Variants in FREM1 observed in about 807,000 individuals in gnomAD.
The protein encoded by FREM1 is FRAS1-related extracellular matrix protein 1.
In FREM1, 220 loss-of-function variants were observed where a neutral mutation model predicts 210.1. The observed-to-expected ratio is 1.05, with a 90% CI of 0.94 to 1.17. FREM1 has a LOEUF of 1.17. FREM1 is among the 50% of genes most tolerant of loss of function. The pLI is 0.00. For synonymous variants in FREM1, 1,189 were observed against 980.2 expected (o/e 1.21, Z -3.98); for missense variants, 3,454 against 2,675.5 (o/e 1.29, Z -6.42).
At chr9:14,773,407 C>CA (rs1393975395) in intron 25 of FREM1, among the ~76,000 whole-genome samples, 1 of 152,172 alleles carries the variant, frequency 6.6e-6, no homozygotes, top group East Asian at 1.9e-4. Flanking sequence ...GTTTATCACT[C>CA]AACGGTGATC....
rs1012888636 is a variant in FREM1 at position 14,813,050 on chromosome 9, G to A, written c.2655C>T (p.Asn885=). ...FVLHVEVFPV[N]DEPPVLKADL... ...CAGCCTTTAAGACTGGTGGCTCATC[G>A]TTGACAGGGAATACCTAGGCAATGG... Residue 885 remains asparagine, a synonymous_variant, in exon 16 of 37, where the codon AAC becomes AAT. Transcript: ENST00000380880. 7.5e-6 allele frequency: 12 copies of A among 1,609,138 alleles called. No individual in the cohort carries two copies. Among genetic ancestry groups the A allele is most frequent in the East Asian group, 2.2e-5 (1 of 44,748 alleles).
chr9:14,747,764 G>C, intron 31 of FREM1, 36 bp from the exon 32 acceptor site: 1 of 1,346,866 alleles, frequency 7.4e-7, no homozygotes. Flanking sequence ...GAACAGAATT[G>C]GATTGACTAA....
At chr9:14,835,675 A>G (rs889941021) in intron 10 of FREM1, among the ~76,000 whole-genome samples, 1 of 152,234 alleles carries the variant, frequency 6.6e-6, no homozygotes, top group Non-Finnish European at 1.5e-5. Flanking sequence ...GCTCGGCTTT[A>G]AAAGTCTTAC....
At chr9:14,823,979 G>T in intron 12 of FREM1, 46 bp downstream of exon 12, 1 of 1,221,076 alleles carries the variant, frequency 8.2e-7, no homozygotes, top group Non-Finnish European at 1.2e-6. Flanking sequence ...ACCTTCTAAG[G>T]GCACACTTGC....
At position 14,824,120 on chromosome 9, in the gene FREM1, A is replaced by G; in HGVS notation, c.2079-5T>C. The G allele has an allele frequency of 6.5e-7, 1 of 1,531,548 alleles. No homozygotes were observed. Among genetic ancestry groups the G allele is most frequent in the East Asian group, 2.3e-5 (1 of 42,784 alleles). 94.9% of individuals were successfully genotyped at this position (1,531,548 alleles called of 1,614,324 possible). A position where few individuals can be genotyped will look rare whatever the true frequency, so the allele number is the denominator to read the frequency against. ...AATTTCCCAGCATCCAAGTGTCTAA[A>G]GAGAAATACAGAGGAGCACATCAGC... On this transcript the variant is annotated splice_polypyrimidine_tract_variant and splice_region_variant and intron_variant, in intron 11 of 36. Transcript: ENST00000380880.
rs1832102841 is a variant in FREM1, at chr9:14,869,096, C to G, written c.-119G>C. 1.6e-6 allele frequency: 1 copy of G among 631,298 alleles called. No homozygotes were observed. The highest frequency in any genetic ancestry group is 2.7e-6 in the Non-Finnish European group (1 of 373,236). 39.1% of individuals were successfully genotyped at this position (631,298 alleles called of 1,614,324 possible). On this transcript the variant is annotated 5_prime_UTR_variant, in exon 2 of 37. Coordinates refer to ENST00000380880, the MANE Select transcript of FREM1 (RefSeq NM_001379081.2). ...CAAGGGGCAGGGTGAGGGGTCCTGA[C>G]AATGTGCCCCGAGATCTTAACATGC...
intron 1 of FREM1, among the ~76,000 whole-genome samples, chr9:14,892,726 T>C (rs1049505415): frequency 3.3e-5 from 5 of 152,136 alleles, no homozygotes; most frequent in African/African-American, 7.2e-5. Flanking sequence ...AAGATCCCTC[T>C]TCTACTGACA....
At chr9:14,863,458 T>A (rs368347284) in intron 3 of FREM1, among the ~76,000 whole-genome samples, 35 of 152,272 alleles carry the variant, frequency 2.3e-4, no homozygotes, top group African/African-American at 7.7e-4. Context: ...ATTTTTGGAA[T>A]ATATTTTCTC....
At chr9:14,851,239 C>T (rs1379624394) in intron 6 of FREM1, 45 bp downstream of exon 6, 1 of 1,429,572 alleles carries the variant, frequency 7.0e-7, no homozygotes, top group African/African-American at 1.4e-5. Context: ...CTTAAATAAC[C>T]CTGTGACTTC....
In FREM1 at chr9:14,804,955, C is replaced by T. The variant is rs1214708931; in HGVS notation, c.3471+1G>A. 4 of 1,597,534 alleles carry T rather than the reference C, an allele frequency of 2.5e-6. No homozygotes were observed. The highest frequency in any genetic ancestry group is 2.6e-6 in the Non-Finnish European group (3 of 1,166,290). ...ATGGAACATTTGGATATGTTTCTTACAGTAATATTCTGCACTACAAAGTCA... is the reference window on the plus strand; with the variant it reads ...ATGGAACATTTGGATATGTTTCTTATAGTAATATTCTGCACTACAAAGTCA... On this transcript the variant is annotated splice_donor_variant, in intron 19 of 36. Transcript: ENST00000380880. LOFTEE classifies it high-confidence loss of function.
chr9:14,825,199 T>C (rs572774414), intron 10 of FREM1, among the ~76,000 whole-genome samples: 1 of 152,218 alleles, frequency 6.6e-6, no homozygotes, highest in Admixed American at 6.5e-5. Context: ...AGAATATTAT[T>C]ATCACAGGCC....
intron 24 of FREM1, among the ~76,000 whole-genome samples, chr9:14,783,734 C>A (rs968491042): frequency 6.6e-6 from 1 of 152,138 alleles, no homozygotes; most frequent in East Asian, 1.9e-4. Context: ...TGCCTTTTCA[C>A]CAGATTGTTA....
chr9:14,821,965 T>A (rs1206462858), intron 13 of FREM1, among the ~76,000 whole-genome samples: 1 of 152,190 alleles, frequency 6.6e-6, no homozygotes, highest in Non-Finnish European at 1.5e-5. Flanking sequence ...TGAATTGTAA[T>A]AATCCCCATG....
In FREM1 at chr9:14,870,990, T is replaced by G. The variant is rs544021872; in HGVS notation, c.-267-1746A>C. 3.3e-4 allele frequency among the ~76,000 whole-genome samples: 50 copies of G among 152,216 alleles called. 1 individual carries two copies. Among genetic ancestry groups the G allele is most frequent in the Non-Finnish European group, 5.7e-4 (39 of 68,016 alleles). The stretch of plus-strand genomic sequence containing the variant: ...CCCTACAAAGGACATGAACTCATCA[T>G]TTTTTATGGCTGCATAGTATTCCAT... On this transcript the variant is annotated intron_variant, in intron 1 of 36. Transcript: ENST00000380880.
At chr9:14,818,287 CA>C (rs1327664519) in intron 14 of FREM1, among the ~76,000 whole-genome samples, 1 of 152,158 alleles carries the variant, frequency 6.6e-6, no homozygotes, top group South Asian at 2.1e-4. Context: ...GCTGAAATCT[CA>C]AAAAACATTT....
intron 16 of FREM1, among the ~76,000 whole-genome samples, chr9:14,811,139 C>G (rs1819321870): frequency 6.6e-6 from 1 of 152,138 alleles, no homozygotes; most frequent in Non-Finnish European, 1.5e-5. Context: ...CGTTAACATT[C>G]AAATACCAAA....
intron 25 of FREM1, among the ~76,000 whole-genome samples, chr9:14,773,150 A>G (rs781216922): frequency 3.3e-5 from 5 of 152,190 alleles, no homozygotes; most frequent in Admixed American, 2.6e-4. Flanking sequence ...TTGTATTTAC[A>G]GAAAATGCAC....
chr9:14,810,429 A>T (rs1269112327), intron 16 of FREM1, among the ~76,000 whole-genome samples: 2 of 152,284 alleles, frequency 1.3e-5, no homozygotes, highest in African/African-American at 2.4e-5. Flanking sequence ...ATTGGTACTT[A>T]AAAATGTTAA....
At chr9:14,748,245 T>C (rs1017256495) in intron 31 of FREM1, among the ~76,000 whole-genome samples, 156 bp downstream of exon 31, 2 of 152,206 alleles carry the variant, frequency 1.3e-5, no homozygotes, top group Non-Finnish European at 2.9e-5. Flanking sequence ...GATCTTTGTA[T>C]ACAGAAGGCA....
Sources: gnomAD v4.1 joint callset for allele counts (sites outside exome capture counted in the v4.1 genomes callset) on GRCh38, gnomAD v4.1.1 for gene constraint, MANE v1.5 for transcripts, NCBI Gene and HGNC (gene_info 2026-07-23, HGNC 2026-07-21) for gene names.